PFKFB3: variants seen among roughly 807,000 people sequenced by gnomAD.
PFKFB3 encodes the protein 6-phosphofructo-2-kinase/fructose-2,6-biphosphatase 3.
In PFKFB3, 33 loss-of-function variants were observed where a neutral mutation model predicts 68.0. The observed-to-expected ratio is 0.49, with a 90% confidence interval of 0.37 to 0.65. PFKFB3 has a LOEUF of 0.65. Ranked by LOEUF, PFKFB3 falls within the 30% of genes least tolerant of loss-of-function variation. PFKFB3 has a pLI of 0.00. For missense variants in PFKFB3, 586 were observed against 712.2 expected, an observed-to-expected ratio of 0.82 and a Z score of 2.02; for synonymous variants, 315 against 288.2, an observed-to-expected ratio of 1.09 and a Z score of -0.94.
chr10:6,312,524 T>C, the PFKFB3 span, among the ~76,000 whole-genome samples: 24 of 152,208 alleles, frequency 1.6e-4, no homozygotes, highest in East Asian at 3.9e-4. Flanking sequence ...TTAAAAACAA[T>C]CATAAAATAG....
chr10:6,281,956 A>AT, the PFKFB3 span, among the ~76,000 whole-genome samples: 79,112 of 143,088 alleles, frequency 0.55, 23,749 homozygotes, highest in Non-Finnish European at 0.71. Flanking sequence ...CAGAGCATGA[A>AT]TTTTTTTTTT....
chr10:6,238,424 C>A (rs1846068524), downstream of PFKFB3, among the ~76,000 whole-genome samples: 2 of 135,778 alleles, frequency 1.5e-5, no homozygotes, highest in Admixed American at 1.7e-4. Context: ...CTTGGCCTCC[C>A]AAAGTGCCGG....
the PFKFB3 span, among the ~76,000 whole-genome samples, chr10:6,270,479 G>A: frequency 3.9e-5 from 6 of 152,152 alleles, no homozygotes; most frequent in African/African-American, 7.2e-5. Context: ...ACAGCTCACC[G>A]TGTCCTGGGG....
chr10:6,222,638 T>G, intron 10 of PFKFB3: 1 of 417,586 alleles, frequency 2.4e-6, no homozygotes, highest in Non-Finnish European at 4.3e-6. Flanking sequence ...AGCATTGAGT[T>G]TTCCAGGTTC....
chr10:6,180,161 G>C (rs1324334478), intron 1 of PFKFB3, among the ~76,000 whole-genome samples: 1 of 151,972 alleles, frequency 6.6e-6, no homozygotes, highest in Non-Finnish European at 1.5e-5. Flanking sequence ...GGGCAACATA[G>C]TGAGACCCTG....
At chr10:6,223,189 G>T (rs1665711801) in intron 11 of PFKFB3, among the ~76,000 whole-genome samples, 1 of 152,202 alleles carries the variant, frequency 6.6e-6, no homozygotes, top group South Asian at 2.1e-4. Flanking sequence ...ATGCTGTGGA[G>T]CCCAGGTTGA....
chr10:6,171,403 T>TC (rs201529450), intron 1 of PFKFB3, among the ~76,000 whole-genome samples: 1,630 of 150,820 alleles, frequency 0.011, 66 homozygotes, highest in East Asian at 0.099. Context: ...TTTCTTTCTT[T>TC]TTTTTTTTTT....
At chr10:6,237,593 GGGT>G, downstream of PFKFB3, among the ~76,000 whole-genome samples, 1 of 152,188 alleles carries the variant, frequency 6.6e-6, no homozygotes, top group Non-Finnish European at 1.5e-5. Flanking sequence ...TTTTGAGACA[GGGT>G]TTTGCTCTGT....
At position 6,220,665 on chromosome 10, in the gene PFKFB3, T is replaced by A; in HGVS notation, c.631T>A (p.Ser211Thr). The A allele has an allele frequency of 6.2e-7, 1 of 1,613,772 alleles. No homozygotes were observed. The highest frequency in any genetic ancestry group is 8.5e-7 in the Non-Finnish European group (1 of 1,179,968). Residue 211 changes from serine to threonine, a missense_variant, in exon 8 of 15, where the codon TCG (serine) becomes ACG (threonine). By Grantham distance (58) the Ser-to-Thr change is moderately conservative. Transcript: ENST00000379775. This position sits in a 1 kb window ranked among gnomAD's most constrained non-coding sequence, Gnocchi z 4.1. The stretch of plus-strand genomic sequence containing the variant: ...GGTGGGGTCTCTCTGCAGGGACTTG[T>A]CGCTGATCAAGGTGATTGACGTGGG... Reference protein sequence around the residue: ...LDPDKCDRDLSLIKVIDVGRR... With the variant: ...LDPDKCDRDLTLIKVIDVGRR...
Position 6,232,954 on chromosome 10 carries a change from C to A in PFKFB3, c.*12C>A. The A allele has an allele frequency of 2.5e-6, 4 of 1,604,884 alleles. No homozygotes were observed. The highest frequency in any genetic ancestry group is 3.4e-6 in the Non-Finnish European group (4 of 1,171,860). On this transcript the variant is annotated 3_prime_UTR_variant, in exon 15 of 15. Coordinates refer to ENST00000379775, the MANE Select transcript of PFKFB3 (RefSeq NM_004566.4). The stretch of plus-strand genomic sequence containing the variant: ...CCAGGAAACACTGAGGCAGACGTGT[C>A]GGTTCCATTCCATTTCCATTTCTGC...
chr10:6,218,802 T>C (rs534501548), intron 6 of PFKFB3, among the ~76,000 whole-genome samples: 35 of 152,290 alleles, frequency 2.3e-4, no homozygotes, highest in African/African-American at 7.2e-4. Context: ...ACCGCCACAC[T>C]CTATCCGCAG....
chr10:6,287,144 TG>T, the PFKFB3 span, among the ~76,000 whole-genome samples: 2 of 152,188 alleles, frequency 1.3e-5, no homozygotes, highest in Non-Finnish European at 2.9e-5. Context: ...CACAGTGCAG[TG>T]GTGCAATCTC....
At chr10:6,203,391 A>T (rs1843467855) in intron 1 of PFKFB3, 55 bp downstream of exon 1, 1 of 1,433,832 alleles carries the variant, frequency 7.0e-7, no homozygotes, top group Non-Finnish European at 9.5e-7. Context: ...GGGCCGGGCC[A>T]TTGTGTGGGG....
chr10:6,255,376 G>A (rs530183684), downstream of PFKFB3, among the ~76,000 whole-genome samples: 1 of 152,240 alleles, frequency 6.6e-6, no homozygotes, highest in African/African-American at 2.4e-5. Context: ...TGCCCACCTC[G>A]GCCTCCCAAA....
rs1342929127 is a variant in PFKFB3, at chr10:6,229,108, G to A, written c.1515+2743G>A. On this transcript the variant is annotated intron_variant, in intron 14 of 14. Transcript: ENST00000379775. The surrounding 1 kb of genome is among the most constrained non-coding windows in gnomAD (Gnocchi z 4.3). ...TAAGTTACCTTAACTACTTTATGCA[G>A]AAACTGGAAAGGTGTGATGAGGAAT... 1 of 532,140 alleles carries A rather than the reference G, an allele frequency of 1.9e-6. No homozygotes were observed. Among genetic ancestry groups the A allele is most frequent in the East Asian group, 5.5e-5 (1 of 18,316 alleles). 33.0% of individuals were successfully genotyped at this position (532,140 alleles called of 1,614,324 possible).
chr10:6,156,763 G>C (rs965314211), intron 1 of PFKFB3, among the ~76,000 whole-genome samples: 5 of 152,104 alleles, frequency 3.3e-5, no homozygotes, highest in African/African-American at 1.2e-4. Flanking sequence ...TGGGATTAGA[G>C]TTGTGAGCCA....
intron 1 of PFKFB3, among the ~76,000 whole-genome samples, chr10:6,180,245 G>A (rs1354974587): frequency 1.3e-5 from 2 of 152,210 alleles, no homozygotes; most frequent in African/African-American, 2.4e-5. Context: ...ATGAATGATT[G>A]CTTTGCAAGA....
chr10:6,219,467 G>A lies in PFKFB3; in HGVS notation c.499-102G>A. The A allele has an allele frequency of 4.0e-6, 5 of 1,261,192 alleles. No homozygotes were observed. The South Asian group carries it at 6.0e-5, about 15-fold the overall frequency. 78.1% of individuals were successfully genotyped at this position (1,261,192 alleles called of 1,614,324 possible). A position where few individuals can be genotyped will look rare whatever the true frequency, so the allele number is the denominator to read the frequency against. On this transcript the variant is annotated intron_variant, in intron 6 of 14. Transcript: ENST00000379775. ...CGCTGGGCCGGATAATCTTTATACT[G>A]AGCCTTCTGTGCGCTCCCCTTTTGA...
chr10:6,189,490 A>C (rs968609875), intron 1 of PFKFB3, among the ~76,000 whole-genome samples: 1 of 149,708 alleles, frequency 6.7e-6, no homozygotes, highest in Non-Finnish European at 1.5e-5. Flanking sequence ...GTCACAGACC[A>C]GACTGCTGAT....
Sources: allele counts gnomAD v4.1 joint callset (sites outside exome capture counted in the v4.1 genomes callset), GRCh38; gene constraint gnomAD v4.1.1; non-coding constraint Gnocchi (gnomAD v3.1); transcripts MANE v1.5; gene names NCBI Gene and HGNC (gene_info 2026-07-23, HGNC 2026-07-21).